The following SYT1 variants were observed in gnomAD, a reference collection of about 807,000 sequenced individuals.
SYT1 encodes the protein synaptotagmin 1.
Under a neutral mutation model 44.8 loss-of-function variants are expected in SYT1, and 8 were observed. That is an observed-to-expected ratio of 0.18 (90% CI 0.10 to 0.32). SYT1 has a LOEUF of 0.32. SYT1 is among the 10% of genes least tolerant of loss of function. The pLI is 1.00. For synonymous variants in SYT1, 154 were observed against 188.8 expected, an observed-to-expected ratio of 0.82 and a Z score of 1.51; for missense variants, 286 against 509.3, an observed-to-expected ratio of 0.56 and a Z score of 4.22.
intron 1 of SYT1, among the ~76,000 whole-genome samples, chr12:78,872,217 T>C (rs1450381576): frequency 1.3e-5 from 2 of 151,850 alleles, no homozygotes; most frequent in East Asian, 1.9e-4. Context: ...TAAATTGTTT[T>C]GTAAAAAAGT....
chr12:79,046,679 TTGTG>T (rs1032394666), intron 2 of SYT1, among the ~76,000 whole-genome samples: 4 of 152,182 alleles, frequency 2.6e-5, no homozygotes, highest in Non-Finnish European at 4.4e-5. Flanking sequence ...ACATATTTAT[TTGTG>T]TGTGTATGTA....
At position 79,450,789 on chromosome 12, in the gene SYT1, A is replaced by G. The variant is rs1871014126; in HGVS notation, c.*1665A>G. 1.3e-5 allele frequency: 2 copies of G among 152,680 alleles called. No homozygotes were observed. Among genetic ancestry groups the G allele is most frequent in the African/African-American group, 4.8e-5 (2 of 41,454 alleles). 9.5% of individuals were successfully genotyped at this position (152,680 alleles called of 1,614,324 possible). A position where few individuals can be genotyped will look rare whatever the true frequency, so the allele number is the denominator to read the frequency against. On this transcript the variant is annotated 3_prime_UTR_variant, in exon 11 of 11. Coordinates refer to ENST00000261205, the MANE Select transcript of SYT1 (RefSeq NM_005639.3). ...GAAGATACATAGAATGGGGTGGAAC[A>G]CAGCATTTTGTCAAGCACTGTGCAA... is the stretch of plus-strand genomic sequence containing the variant.
rs368158094 is a variant in SYT1, at chr12:79,322,163, G to A, written c.810+22612G>A. 2.0e-4 allele frequency among the ~76,000 whole-genome samples: 30 copies of A among 152,270 alleles called. No individual in the cohort carries two copies. The East Asian group carries it at 2.1e-3, about 11-fold the overall frequency. The stretch of plus-strand genomic sequence containing the variant: ...TACACTTGACTTCAGAACTGAGAAC[G>A]AAAATGGTTCTTCCTAAATGCAAGT... On this transcript the variant is annotated intron_variant, in intron 8 of 10. Transcript: ENST00000261205.
chr12:79,034,978 G>A (rs1485600082), intron 2 of SYT1, among the ~76,000 whole-genome samples: 2 of 151,566 alleles, frequency 1.3e-5, no homozygotes, highest in African/African-American at 4.8e-5. Context: ...ATGCCCAACA[G>A]TGGAAACCAA....
In SYT1 at chr12:79,426,881, TC is replaced by T. The variant is rs1000828615; in HGVS notation, c.929-17187del. Among the ~76,000 whole-genome samples the T allele has an allele frequency of 2.6e-5, 4 of 152,140 alleles. No homozygotes were observed. The South Asian group carries it at 6.2e-4, about 24-fold the overall frequency. On this transcript the variant is annotated intron_variant, in intron 9 of 10. Coordinates refer to ENST00000261205, the MANE Select transcript of SYT1 (RefSeq NM_005639.3). ...AGGTAATTGAATCATTGGGGGAGTT[TC>T]CCCCATGCTGTCCTCATGACAGTGA...
chr12:79,103,732 C>G (rs1592751377), intron 3 of SYT1, among the ~76,000 whole-genome samples: 1 of 151,982 alleles, frequency 6.6e-6, no homozygotes, highest in Non-Finnish European at 1.5e-5. Flanking sequence ...CTCAACTTCC[C>G]TGGTTAAACT....
intron 2 of SYT1, among the ~76,000 whole-genome samples, chr12:78,986,281 A>G (rs563384296): frequency 2.0e-5 from 3 of 152,116 alleles, no homozygotes; most frequent in East Asian, 3.9e-4. Context: ...TTCTTTTTGT[A>G]TATCTCTGAT....
At chr12:78,965,275 C>T (rs1056481635) in intron 1 of SYT1, among the ~76,000 whole-genome samples, 1 of 152,040 alleles carries the variant, frequency 6.6e-6, no homozygotes, top group Non-Finnish European at 1.5e-5. Context: ...TATCATTTTT[C>T]CTTTTCAGTT....
intron 3 of SYT1, among the ~76,000 whole-genome samples, chr12:79,168,866 A>T (rs143698153): frequency 1.3e-4 from 20 of 152,160 alleles, no homozygotes; most frequent in African/African-American, 4.6e-4. Flanking sequence ...TCAACAGTCA[A>T]GTTTCTAAAT....
chr12:78,922,241 G>A (rs1482777441), intron 1 of SYT1, among the ~76,000 whole-genome samples: 3 of 151,748 alleles, frequency 2.0e-5, no homozygotes, highest in South Asian at 2.1e-4. Context: ...TATTTTCACA[G>A]TGTATACTAC....
chr12:78,926,760 T>G (rs1877327397), intron 1 of SYT1: 1 of 152,110 alleles, frequency 6.6e-6, no homozygotes, highest in African/African-American at 2.4e-5. Flanking sequence ...AAGAGATGTT[T>G]ACTTTTAGAT....
intron 3 of SYT1, among the ~76,000 whole-genome samples, chr12:79,207,663 G>C (rs1874207611): frequency 6.6e-6 from 1 of 152,142 alleles, no homozygotes; most frequent in Admixed American, 6.5e-5. Flanking sequence ...TGTTAAACTA[G>C]TTGGGCCAGC....
chr12:79,179,399 C>G lies in SYT1; in HGVS notation c.-17-38104C>G, dbSNP rs377724558. 3.4e-3 allele frequency among the ~76,000 whole-genome samples: 71 copies of G among 20,936 alleles called. 12 individuals are homozygous for G. Among genetic ancestry groups the G allele is most frequent in the African/African-American group, 0.027 (67 of 2,446 alleles). The allele number at this position is 20,936 out of a possible 152,430, so 13.7% of individuals were successfully genotyped here. The stretch of plus-strand genomic sequence containing the variant: ...ATATAGATATATCGATATAGATATC[C>G]ATATAGATATAGATATAGATATATC... On this transcript the variant is annotated intron_variant, in intron 3 of 10. Transcript: ENST00000261205.
At chr12:79,284,423 C>G (rs1487665411) in intron 4 of SYT1, among the ~76,000 whole-genome samples, 2 of 152,176 alleles carry the variant, frequency 1.3e-5, no homozygotes, top group African/African-American at 4.8e-5. Flanking sequence ...TGCATTTTCA[C>G]TAAACTCCCC....
intron 2 of SYT1, among the ~76,000 whole-genome samples, chr12:79,002,342 A>AT (rs1870795326): frequency 6.6e-6 from 1 of 152,134 alleles, no homozygotes; most frequent in Non-Finnish European, 1.5e-5. Context: ...TATAATTTTC[A>AT]TTTATGAACA....
chr12:79,208,785 T>A (rs2138525803), intron 3 of SYT1, among the ~76,000 whole-genome samples: 1 of 152,316 alleles, frequency 6.6e-6, no homozygotes, highest in East Asian at 1.9e-4. Flanking sequence ...ATTGTGGGAT[T>A]TGTGACATTG....
intron 8 of SYT1, among the ~76,000 whole-genome samples, chr12:79,300,216 A>C (rs1375131373): frequency 6.6e-6 from 1 of 152,096 alleles, no homozygotes; most frequent in East Asian, 1.9e-4. Context: ...ATAATAATCA[A>C]TTGTATCTGA....
chr12:79,133,231 G>C (rs1253582734), intron 3 of SYT1, among the ~76,000 whole-genome samples: 1 of 151,976 alleles, frequency 6.6e-6, no homozygotes, highest in Non-Finnish European at 1.5e-5. Flanking sequence ...AAAATTGCTA[G>C]AAGAGGGTCA....
Position 79,345,153 on chromosome 12 carries a change from C to T in SYT1, c.811-8349C>T, listed in dbSNP as rs146486170. Among the ~76,000 whole-genome samples the T allele has an allele frequency of 1.4e-3, 217 of 152,284 alleles. 3 individuals are homozygous for T. The highest frequency in any genetic ancestry group is 5.0e-3 in the African/African-American group (207 of 41,544). On this transcript the variant is annotated intron_variant, in intron 8 of 10. Coordinates refer to ENST00000261205, the MANE Select transcript of SYT1 (RefSeq NM_005639.3). ...CCTATATGTCCCCTGCCCTCCTCCT[C>T]CTCCCACAGACACCAGCTCTGGTTA... is the stretch of plus-strand genomic sequence containing the variant.
Sources: allele counts gnomAD v4.1 joint callset (sites outside exome capture counted in the v4.1 genomes callset), GRCh38; gene constraint gnomAD v4.1.1; transcripts MANE v1.5; gene names NCBI Gene and HGNC (gene_info 2026-07-23, HGNC 2026-07-21).